The following USP30 variants were observed in gnomAD, a reference collection of about 807,000 sequenced individuals.
USP30 encodes the protein ubiquitin specific peptidase 30, also known as ubiquitin carboxyl-terminal hydrolase 30.
USP30 carries 41 observed loss-of-function variants against 68.2 expected under a neutral mutation model. The observed-to-expected ratio is 0.60, with a 90% CI of 0.47 to 0.78. The LOEUF (loss-of-function observed/expected upper bound fraction) is 0.78, where lower values mean the gene tolerates loss of function less well. Among genes scored for constraint, USP30 ranks in the 30% least tolerant of loss-of-function variants. The pLI is 0.00. For synonymous variants in USP30, 229 were observed against 253.7 expected (o/e 0.90, Z 0.93); for missense variants, 522 against 649.4 (o/e 0.80, Z 2.13).
At chr12:109,038,327 A>T (rs2040536987) in intron 3 of USP30, among the ~76,000 whole-genome samples, 1 of 151,866 alleles carries the variant, frequency 6.6e-6, no homozygotes, top group Non-Finnish European at 1.5e-5. Context: ...TCTGTCAAGG[A>T]CATAATCTCA....
intron 3 of USP30, among the ~76,000 whole-genome samples, chr12:109,064,426 C>A (rs543979718): frequency 6.6e-6 from 1 of 152,094 alleles, no homozygotes; most frequent in East Asian, 1.9e-4. Flanking sequence ...CCATCACCCC[C>A]GGCTAATTTT....
At chr12:109,058,182 A>G in intron 3 of USP30, 74 bp downstream of exon 3, 1 of 1,423,024 alleles carries the variant, frequency 7.0e-7, no homozygotes, top group Non-Finnish European at 9.6e-7. Flanking sequence ...TCTTATAACA[A>G]AGAGTTAATA....
intron 3 of USP30, among the ~76,000 whole-genome samples, chr12:109,035,346 A>ATATAT (rs1555255047): frequency 5.8e-4 from 87 of 150,806 alleles, no homozygotes; most frequent in Admixed American, 7.3e-4. Flanking sequence ...CAATTTGTTT[A>ATATAT]TTTATTTTAT....
upstream of USP30, among the ~76,000 whole-genome samples, chr12:109,051,187 C>T (rs1164092137): frequency 6.6e-6 from 1 of 151,496 alleles, no homozygotes; most frequent in Admixed American, 6.6e-5. Context: ...CTGCACCTGC[C>T]CCAATATTTT....
chr12:109,036,731 T>A (rs1259981028), intron 3 of USP30, among the ~76,000 whole-genome samples: 2 of 152,206 alleles, frequency 1.3e-5, no homozygotes, highest in African/African-American at 2.4e-5. Flanking sequence ...TGTTTTTTTT[T>A]AATACTTTGA....
intron 7 of USP30, among the ~76,000 whole-genome samples, chr12:109,079,023 CTCTT>C (rs1231185321): frequency 3.3e-5 from 5 of 152,170 alleles, no homozygotes; most frequent in Admixed American, 1.3e-4. Flanking sequence ...ACAAAATTTT[CTCTT>C]TATTTTTGTT....
rs945830857 is a variant in USP30 at position 109,073,427 on chromosome 12, T to G, written c.626-11T>G. ...TAAAAGTGACATATCAAAAAACTTTTTGCATTCCAGGGTCACCTCACCCTA... is the reference window on the plus strand; with the variant it reads ...TAAAAGTGACATATCAAAAAACTTTGTGCATTCCAGGGTCACCTCACCCTA... On this transcript the variant is annotated splice_polypyrimidine_tract_variant and intron_variant, in intron 6 of 12. Coordinates refer to ENST00000257548, the MANE Select transcript of USP30 (RefSeq NM_032663.5). The G allele has an allele frequency of 5.6e-6, 9 of 1,610,316 alleles. No individual in the cohort carries two copies. The highest frequency in any genetic ancestry group is 7.6e-6 in the Non-Finnish European group (9 of 1,176,612).
intron 3 of USP30, among the ~76,000 whole-genome samples, chr12:109,065,446 A>G (rs1043740757): frequency 1.1e-4 from 16 of 152,266 alleles, no homozygotes; most frequent in African/African-American, 2.4e-5. Flanking sequence ...AAAAGGGTTT[A>G]TTGAAGCACA....
chr12:109,042,755 A>G (rs547985607), intron 3 of USP30, among the ~76,000 whole-genome samples: 1 of 152,336 alleles, frequency 6.6e-6, no homozygotes, highest in Non-Finnish European at 1.5e-5. Flanking sequence ...AGCCACAGCA[A>G]TTAGGCAAGA....
intron 1 of USP30, among the ~76,000 whole-genome samples, chr12:109,055,400 ATT>A (rs869090869): frequency 0.036 from 888 of 24,350 alleles, 38 homozygotes; most frequent in Middle Eastern, 0.18. Flanking sequence ...ATATATATAT[ATT>A]TTTTTTTTTT....
chr12:109,081,953 C>T lies in USP30; in HGVS notation c.801C>T (p.Asp267=), dbSNP rs753527526. The change falls in exon 9 of 13, where the codon GAC becomes GAT. Residue 267 remains aspartate (D), a synonymous_variant. Transcript: ENST00000257548. ...AATWGHPLTL[D]HCLHHFISSE... ...TGTAGGGTCACCCATTGACCCTGGA[C>T]CACTGCCTTCACCACTTCATCTCAT... The T allele has an allele frequency of 1.9e-6, 3 of 1,614,228 alleles. No individual in the cohort carries two copies. The highest frequency in any genetic ancestry group is 1.7e-5 in the Admixed American group (1 of 60,028).
chr12:109,040,234 A>C (rs2040554397), intron 3 of USP30, among the ~76,000 whole-genome samples: 1 of 152,182 alleles, frequency 6.6e-6, no homozygotes. Context: ...TTTAGAGTTT[A>C]ACTATTAAGG....
In USP30 at chr12:109,058,082, C is replaced by T. The variant is rs754084973; in HGVS notation, c.350C>T (p.Ser117Phe). The T allele has an allele frequency of 3.7e-6, 6 of 1,613,228 alleles. No individual in the cohort carries two copies. The highest frequency in any genetic ancestry group is 5.1e-6 in the Non-Finnish European group (6 of 1,179,678). ...GAGCCCCCCTCACACCAGTATTTAT[C>T]CTTAACACTCTTGCACCTTCTGAAA... The part of the protein sequence containing the change: ...QKEPPSHQYL[S>F]LTLLHLLKAL... The change falls in exon 3 of 13, where the codon TCC (serine) becomes TTC (phenylalanine). Residue 117 changes from serine (S) to phenylalanine (F), a missense_variant. Ser to Phe is a radical substitution (Grantham distance 155). Transcript: ENST00000257548.
intron 4 of USP30, among the ~76,000 whole-genome samples, chr12:109,069,224 C>T (rs1054420994): frequency 5.9e-5 from 9 of 152,212 alleles, no homozygotes; most frequent in African/African-American, 2.2e-4. Flanking sequence ...CTAGTTGTTA[C>T]ATGGCTGACC....
chr12:109,023,527 C>T (rs1248130323), intron 1 of USP30, among the ~76,000 whole-genome samples: 1 of 151,796 alleles, frequency 6.6e-6, no homozygotes, highest in Non-Finnish European at 1.5e-5. Flanking sequence ...TGCACTCCAG[C>T]CTGGGTGATA....
At chr12:109,044,559 C>T (rs769680056) in intron 3 of USP30, among the ~76,000 whole-genome samples, 2 of 151,968 alleles carry the variant, frequency 1.3e-5, no homozygotes, top group Non-Finnish European at 2.9e-5. Flanking sequence ...ATCATCTGAG[C>T]TCTGGAGTTC....
At position 109,086,776 on chromosome 12, in the gene USP30, G is replaced by A. The variant is rs1388198466; in HGVS notation, c.*845G>A. 6.6e-6 allele frequency: 1 copy of A among 152,218 alleles called. No homozygotes were observed. Among genetic ancestry groups the A allele is most frequent in the African/African-American group, 2.4e-5 (1 of 41,460 alleles). The allele number at this position is 152,218 out of a possible 1,614,324, so 9.4% of individuals were successfully genotyped here. A position where few individuals can be genotyped will look rare whatever the true frequency, so the allele number is the denominator to read the frequency against. On this transcript the variant is annotated 3_prime_UTR_variant, in exon 13 of 13. Coordinates refer to ENST00000257548, the MANE Select transcript of USP30 (RefSeq NM_032663.5). Reference sequence around the variant, plus strand: ...CCACTGTGGACGGTTACTTTCATCTGTTTATTTATTGCCCATGCAGAGCTC... The same window carrying A: ...CCACTGTGGACGGTTACTTTCATCTATTTATTTATTGCCCATGCAGAGCTC...
chr12:109,081,075 A>T (rs771319239), intron 7 of USP30, among the ~76,000 whole-genome samples: 5 of 152,212 alleles, frequency 3.3e-5, no homozygotes, highest in Admixed American at 6.5e-5. Context: ...TTATTTCCTT[A>T]AAAATCCCAA....
upstream of USP30, among the ~76,000 whole-genome samples, chr12:109,051,761 G>A (rs548422043): frequency 1.3e-5 from 2 of 151,844 alleles, no homozygotes; most frequent in East Asian, 3.9e-4. Flanking sequence ...GTAGAGATGG[G>A]GTTTCACCAT....
Sources: allele counts gnomAD v4.1 joint callset (sites outside exome capture counted in the v4.1 genomes callset), GRCh38; gene constraint gnomAD v4.1.1; transcripts MANE v1.5; gene names NCBI Gene and HGNC (gene_info 2026-07-23, HGNC 2026-07-21).